The following ADAMTSL3 variants were observed in gnomAD, a reference collection of about 807,000 sequenced individuals.
ADAMTSL3 encodes ADAMTS-like protein 3.
In ADAMTSL3, 128 loss-of-function variants were observed where a neutral mutation model predicts 201.7. That is an observed-to-expected ratio of 0.63 (90% CI 0.55 to 0.73). The LOEUF (loss-of-function observed/expected upper bound fraction) is 0.73, where lower values mean the gene tolerates loss of function less well. Among genes scored for constraint, ADAMTSL3 ranks in the 30% least tolerant of loss-of-function variants. The pLI is 0.00. For missense variants in ADAMTSL3, 1,990 were observed against 2,119.6 expected (o/e 0.94, Z 1.20); for synonymous variants, 738 against 748.4 (o/e 0.99, Z 0.23).
intron 3 of ADAMTSL3, among the ~76,000 whole-genome samples, chr15:83,757,694 A>G (rs1237653178): frequency 1.3e-5 from 2 of 152,336 alleles, no homozygotes; most frequent in Admixed American, 6.5e-5. Context: ...TTTCTTTTCT[A>G]TCACATCTCA....
chr15:83,737,324 C>T (rs904237138), intron 3 of ADAMTSL3, among the ~76,000 whole-genome samples: 4 of 152,110 alleles, frequency 2.6e-5, no homozygotes, highest in African/African-American at 9.7e-5. Context: ...TGTGTCTCCT[C>T]CCAAATCTCA....
chr15:83,821,061 G>C (rs557062748), intron 6 of ADAMTSL3, among the ~76,000 whole-genome samples: 2 of 151,658 alleles, frequency 1.3e-5, no homozygotes, highest in Non-Finnish European at 2.9e-5. Context: ...GTGACAGAGC[G>C]AGACTGTCTC....
intron 4 of ADAMTSL3, among the ~76,000 whole-genome samples, chr15:83,783,834 A>ACT: frequency 2.8e-5 from 2 of 70,282 alleles, no homozygotes; most frequent in Middle Eastern, 0.017. Context: ...CTGCATATAT[A>ACT]CTCTGTGTGT....
At position 83,910,635 on chromosome 15, in the gene ADAMTSL3, C is replaced by CT. The variant is rs3044681; in HGVS notation, c.1701-2440dup. Among the ~76,000 whole-genome samples, 73 of 131,154 alleles carry CT rather than the reference C, an allele frequency of 5.6e-4. 1 individual carries two copies. Among genetic ancestry groups the CT allele is most frequent in the South Asian group, 4.4e-3 (18 of 4,068 alleles). 86.0% of individuals were successfully genotyped at this position (131,154 alleles called of 152,430 possible). A position where few individuals can be genotyped will look rare whatever the true frequency, so the allele number is the denominator to read the frequency against. On this transcript the variant is annotated intron_variant, in intron 15 of 29. Coordinates refer to ENST00000286744, the MANE Select transcript of ADAMTSL3 (RefSeq NM_207517.3). ...TGCCCTGCTGGGAGTTTAGGTGAAC[C>CT]TTTTTTTTTTTTTTTTTGAGATGGA...
chr15:83,658,902 C>G (rs2061127853), intron 2 of ADAMTSL3, among the ~76,000 whole-genome samples: 1 of 152,118 alleles, frequency 6.6e-6, no homozygotes, highest in South Asian at 2.1e-4. Context: ...AATAAACAGC[C>G]TTATCTGTTC....
At position 84,037,889 on chromosome 15, in the gene ADAMTSL3, A is replaced by G. The variant is rs1946067546; in HGVS notation, c.*83A>G. ...TTCCCCATGTCGCTGATTCAAAAAC[A>G]TGTATTTCTTAAAAGACTAGATTCT... On this transcript the variant is annotated 3_prime_UTR_variant, in exon 30 of 30. Transcript: ENST00000286744. 3 of 1,506,964 alleles carry G rather than the reference A, an allele frequency of 2.0e-6. No individual in the cohort carries two copies. In the South Asian group the frequency reaches 4.0e-5, roughly 20 times the overall value. The allele number at this position is 1,506,964 out of a possible 1,614,324, so 93.3% of individuals were successfully genotyped here. A position where few individuals can be genotyped will look rare whatever the true frequency, so the allele number is the denominator to read the frequency against.
chr15:83,959,192 A>G (rs2066912773), intron 19 of ADAMTSL3, among the ~76,000 whole-genome samples: 1 of 152,142 alleles, frequency 6.6e-6, no homozygotes, highest in African/African-American at 2.4e-5. Flanking sequence ...TTGGGAGGCC[A>G]AGGTGGGTGG....
chr15:84,022,965 C>A (rs1315681824), intron 26 of ADAMTSL3, among the ~76,000 whole-genome samples: 1 of 152,148 alleles, frequency 6.6e-6, no homozygotes, highest in East Asian at 1.9e-4. Context: ...CTCAGGGAAA[C>A]CATCCCTGAA....
chr15:83,676,777 A>G (rs1189699738), intron 2 of ADAMTSL3, among the ~76,000 whole-genome samples: 1 of 152,242 alleles, frequency 6.6e-6, no homozygotes, highest in African/African-American at 2.4e-5. Flanking sequence ...AATGAGATCA[A>G]TGCCCTTATA....
At chr15:83,694,432 A>G (rs1480115226) in intron 2 of ADAMTSL3, 1 of 152,192 alleles carries the variant, frequency 6.6e-6, no homozygotes. Context: ...TTCTCTAGCA[A>G]TGGAGCCCTG....
At position 84,038,021 on chromosome 15, in the gene ADAMTSL3, T is replaced by C. The variant is rs1271951703; in HGVS notation, c.*215T>C. The C allele has an allele frequency of 9.1e-6, 6 of 662,166 alleles. No individual in the cohort carries two copies. The highest frequency in any genetic ancestry group is 1.8e-5 in the African/African-American group (1 of 54,802). 41.0% of individuals were successfully genotyped at this position (662,166 alleles called of 1,614,324 possible). A position where few individuals can be genotyped will look rare whatever the true frequency, so the allele number is the denominator to read the frequency against. ...TTTTTTAAAATGATGTATTCAAGGA[T>C]GAACAAAATACTATAGCATGCATGC... is the stretch of plus-strand genomic sequence containing the variant. On this transcript the variant is annotated 3_prime_UTR_variant, in exon 30 of 30. Coordinates refer to ENST00000286744, the MANE Select transcript of ADAMTSL3 (RefSeq NM_207517.3).
At chr15:83,725,812 G>A (rs2062166084) in intron 3 of ADAMTSL3, among the ~76,000 whole-genome samples, 1 of 152,116 alleles carries the variant, frequency 6.6e-6, no homozygotes, top group South Asian at 2.1e-4. Flanking sequence ...AGTATAATTT[G>A]AAGTCAGGTA....
chr15:83,839,538 G>T (rs2064335893), intron 7 of ADAMTSL3, among the ~76,000 whole-genome samples: 1 of 152,140 alleles, frequency 6.6e-6, no homozygotes, highest in Non-Finnish European at 1.5e-5. Flanking sequence ...AATTCTGGTG[G>T]CATATGGAGG....
intron 2 of ADAMTSL3, among the ~76,000 whole-genome samples, chr15:83,665,884 A>G (rs1241416951): frequency 6.6e-6 from 1 of 152,186 alleles, no homozygotes; most frequent in African/African-American, 2.4e-5. Context: ...TTAAAAACAA[A>G]GAAGAGTAAC....
intron 23 of ADAMTSL3, among the ~76,000 whole-genome samples, chr15:84,007,131 C>T (rs375010176): frequency 2.0e-5 from 3 of 152,184 alleles, no homozygotes; most frequent in African/African-American, 4.8e-5. Flanking sequence ...CTTCCTATTT[C>T]TGACATTTTC....
At chr15:83,828,873 A>G (rs2064086053) in intron 6 of ADAMTSL3, among the ~76,000 whole-genome samples, 1 of 152,240 alleles carries the variant, frequency 6.6e-6, no homozygotes, top group Non-Finnish European at 1.5e-5. Context: ...GCAGGGATGA[A>G]GCCCACTTGA....
At chr15:83,808,319 G>A (rs1431356846) in intron 5 of ADAMTSL3, among the ~76,000 whole-genome samples, 1 of 152,076 alleles carries the variant, frequency 6.6e-6, no homozygotes, top group Non-Finnish European at 1.5e-5. Flanking sequence ...TTAAAAATGG[G>A]CAAAAGGCCT....
intron 3 of ADAMTSL3, among the ~76,000 whole-genome samples, chr15:83,752,148 A>C (rs941461494): frequency 1.2e-4 from 18 of 152,340 alleles, no homozygotes; most frequent in African/African-American, 3.1e-4. Context: ...TGGAAAATCA[A>C]ATCAGTGGTA....
At chr15:83,691,281 C>A (rs2061604505) in intron 2 of ADAMTSL3, among the ~76,000 whole-genome samples, 1 of 152,160 alleles carries the variant, frequency 6.6e-6, no homozygotes, top group South Asian at 2.1e-4. Context: ...ATTACTGCAC[C>A]TTCATCCTCC....
Sources: allele counts gnomAD v4.1 joint callset (sites outside exome capture counted in the v4.1 genomes callset), GRCh38; gene constraint gnomAD v4.1.1; transcripts MANE v1.5; gene names NCBI Gene and HGNC (gene_info 2026-07-23, HGNC 2026-07-21).